CFAP47: variants seen among roughly 807,000 people sequenced by gnomAD.
The protein encoded by CFAP47 is cilia- and flagella-associated protein 47.
A neutral mutation model predicts 148.1 loss-of-function variants in CFAP47; 29 were observed. The observed-to-expected ratio is 0.20, with a 90% CI of 0.15 to 0.27. The LOEUF is 0.27. Among genes scored for constraint, CFAP47 ranks in the 10% least tolerant of loss-of-function variants. The pLI is 1.00. For missense variants in CFAP47, 1,872 were observed against 1,697.5 expected (o/e 1.10, Z -1.81); for synonymous variants, 664 against 577.3 (o/e 1.15, Z -2.15).
chrX:36,124,043 G>A lies in CFAP47; in HGVS notation c.5321-13915G>A, dbSNP rs185920807. On this transcript the variant is annotated intron_variant, in intron 33 of 63. Transcript: ENST00000378653. ...TCTAGGACCTTCCTTTCATGGCAGT[G>A]GGTTCCCTTCTGGCTCTGGATGTGT... is the stretch of plus-strand genomic sequence containing the variant. Among the ~76,000 whole-genome samples the A allele has an allele frequency of 8.8e-4, 98 of 111,524 alleles. 1 individual carries two copies. The highest frequency in any genetic ancestry group is 1.5e-3 in the Non-Finnish European group (80 of 53,102).
chrX:36,171,722 C>G (rs1317260958), intron 39 of CFAP47, among the ~76,000 whole-genome samples: 3 of 111,664 alleles, frequency 2.7e-5, no homozygotes, highest in Non-Finnish European at 5.6e-5. Flanking sequence ...AGTTTGAAGT[C>G]AGGTAGTGTG....
intron 49 of CFAP47, among the ~76,000 whole-genome samples, chrX:36,261,320 C>CTTTTTTTTTTTTT (rs143068749): frequency 9.8e-5 from 2 of 20,452 alleles, no homozygotes; most frequent in Non-Finnish European, 1.7e-4. Context: ...AGATACTATT[C>CTTTTTTTTTTTTT]TTTTTTTTTT....
intron 22 of CFAP47, among the ~76,000 whole-genome samples, chrX:36,015,483 G>T (rs918651178): frequency 1.8e-5 from 2 of 111,230 alleles, no homozygotes; most frequent in African/African-American, 6.5e-5. Flanking sequence ...GAAAAGAAAA[G>T]AAGTCTATAT....
At chrX:36,018,280 A>T (rs1158493979) in intron 22 of CFAP47, among the ~76,000 whole-genome samples, 5 of 112,119 alleles carry the variant, frequency 4.5e-5, no homozygotes, top group Non-Finnish European at 7.5e-5. Flanking sequence ...ATTTTTCCAA[A>T]TACAAAATAA....
chrX:36,277,704 A>G (rs1260645764), intron 49 of CFAP47, among the ~76,000 whole-genome samples: 1 of 112,458 alleles, frequency 8.9e-6, no homozygotes, highest in Non-Finnish European at 1.9e-5. Context: ...TACTGGAAAC[A>G]TGTGGCTATT....
intron 32 of CFAP47, among the ~76,000 whole-genome samples, chrX:36,100,355 C>T (rs770782374): frequency 8.9e-5 from 10 of 112,002 alleles, no homozygotes; most frequent in South Asian, 7.4e-4. Context: ...ATCTAATACA[C>T]GGTAGTCTCT....
intron 45 of CFAP47, among the ~76,000 whole-genome samples, chrX:36,210,889 G>A (rs961934268): frequency 2.3e-4 from 26 of 112,395 alleles, no homozygotes; most frequent in Admixed American, 6.6e-4. Flanking sequence ...TGTATATCCT[G>A]TGAGAACTTC....
At chrX:36,189,859 A>T (rs1555986234) in intron 41 of CFAP47, among the ~76,000 whole-genome samples, 192 bp from the exon 42 acceptor site, 1 of 112,447 alleles carries the variant, frequency 8.9e-6, no homozygotes, top group Non-Finnish European at 1.9e-5. Flanking sequence ...ATCTTTATAG[A>T]GGGTCATAAT....
intron 49 of CFAP47, among the ~76,000 whole-genome samples, chrX:36,267,620 A>G (rs1940909297): frequency 9.1e-6 from 1 of 109,622 alleles, no homozygotes; most frequent in Admixed American, 9.7e-5. Context: ...CTGGGACTAC[A>G]GGCACCCGCC....
chrX:35,967,886 A>G (rs181613225), intron 10 of CFAP47, 54 bp downstream of exon 10: 72 of 744,689 alleles, frequency 9.7e-5, no homozygotes, highest in African/African-American at 6.4e-5. Flanking sequence ...GGACAACACG[A>G]CATGCAGAAG....
Position 35,994,131 on chromosome X carries a change from G to A in CFAP47, c.3099+810G>A, listed in dbSNP as rs190589323. On this transcript the variant is annotated intron_variant, in intron 18 of 63. Coordinates refer to ENST00000378653, the MANE Select transcript of CFAP47 (RefSeq NM_001304548.2). Reference sequence around the variant, plus strand: ...CAAAAAATTAGCCGGGCATGGTGGTGGGCACCTGTAGTCCCAGCTACTCGG... The same window carrying A: ...CAAAAAATTAGCCGGGCATGGTGGTAGGCACCTGTAGTCCCAGCTACTCGG... 9.3e-3 allele frequency among the ~76,000 whole-genome samples: 1,026 copies of A among 109,843 alleles called. 7 individuals carry two copies. Among genetic ancestry groups the A allele is most frequent in the African/African-American group, 0.033 (986 of 30,179 alleles).
At chrX:35,965,907 T>G (rs1193039313) in intron 8 of CFAP47, among the ~76,000 whole-genome samples, 1 of 110,955 alleles carries the variant, frequency 9.0e-6, no homozygotes, top group Non-Finnish European at 1.9e-5. Context: ...CAAGTAAAAA[T>G]GGCACAGTCT....
intron 2 of CFAP47, among the ~76,000 whole-genome samples, chrX:35,927,146 C>A (rs1210912244): frequency 3.0e-5 from 3 of 99,434 alleles, no homozygotes; most frequent in Non-Finnish European, 6.0e-5. Context: ...CAAAGTGAGA[C>A]CCTATCTCAA....
chrX:36,051,056 A>G, intron 26 of CFAP47, among the ~76,000 whole-genome samples: 1 of 112,336 alleles, frequency 8.9e-6, no homozygotes, highest in Non-Finnish European at 1.9e-5. Flanking sequence ...TGATTTATGT[A>G]ATCACCTGGA....
At chrX:36,187,415 C>CT (rs1482186735) in intron 40 of CFAP47, among the ~76,000 whole-genome samples, 1 of 111,870 alleles carries the variant, frequency 8.9e-6, no homozygotes, top group Non-Finnish European at 1.9e-5. Flanking sequence ...CTAGAGATTA[C>CT]AAGGATTGAA....
chrX:35,925,045 T>C (rs1935715421), intron 1 of CFAP47, among the ~76,000 whole-genome samples: 1 of 111,465 alleles, frequency 9.0e-6, no homozygotes, highest in African/African-American at 3.3e-5. Context: ...GTTCCGGTGA[T>C]CTATTGTACA....
Position 35,975,310 on chromosome X carries a change from C to A in CFAP47, c.2418C>A (p.Ser806=). The change falls in exon 14 of 64, where the codon TCC becomes TCA. Residue 806 remains serine (S), a synonymous_variant. Coordinates refer to ENST00000378653, the MANE Select transcript of CFAP47 (RefSeq NM_001304548.2). ...TTTCATACGTGATTCTACCTACATCCAGTACTTATATTTCAATGGTATTTG... is the reference window on the plus strand; with the variant it reads ...TTTCATACGTGATTCTACCTACATCAAGTACTTATATTTCAATGGTATTTG... ...NQFSYVILPT[S]STYISMVFDS... The A allele has an allele frequency of 8.3e-7, 1 of 1,206,778 alleles. No individual in the cohort carries two copies. The highest frequency in any genetic ancestry group is 1.1e-6 in the Non-Finnish European group (1 of 892,543).
At chrX:35,979,042 A>G (rs1936606865) in intron 15 of CFAP47, among the ~76,000 whole-genome samples, 1 of 111,633 alleles carries the variant, frequency 9.0e-6, no homozygotes, top group African/African-American at 3.3e-5. Flanking sequence ...CAATGGCGTC[A>G]TCTCAGCTCA....
chrX:36,127,105 C>A (rs1371232086), intron 33 of CFAP47, among the ~76,000 whole-genome samples: 1 of 111,857 alleles, frequency 8.9e-6, no homozygotes, highest in Non-Finnish European at 1.9e-5. Flanking sequence ...TAATTAGATC[C>A]CATTTGTCAA....
Sources: gnomAD v4.1 joint callset for allele counts (sites outside exome capture counted in the v4.1 genomes callset) on GRCh38, gnomAD v4.1.1 for gene constraint, MANE v1.5 for transcripts, NCBI Gene and HGNC (gene_info 2026-07-23, HGNC 2026-07-21) for gene names.